Variants in PDZD2 observed in about 807,000 individuals in gnomAD.
PDZD2 encodes PDZ domain containing 2, also known as PDZ domain-containing protein 2.
Under a neutral mutation model 220.7 loss-of-function variants are expected in PDZD2, and 90 were observed. That is an observed-to-expected ratio of 0.41 (90% CI 0.34 to 0.49). PDZD2 has a LOEUF of 0.49. PDZD2 is among the 20% of genes least tolerant of loss of function. The probability of loss-of-function intolerance (pLI) is 0.28; values close to 1 mark genes in which losing one functional copy is unlikely to be tolerated. For missense variants in PDZD2, 3,174 were observed against 3,608.5 expected (o/e 0.88, Z 3.08); for synonymous variants, 1,375 against 1,450.5 (o/e 0.95, Z 1.18).
intron 1 of PDZD2, among the ~76,000 whole-genome samples, chr5:31,720,000 G>T (rs748405083): frequency 6.6e-6 from 1 of 152,232 alleles, no homozygotes; most frequent in Admixed American, 6.5e-5. Flanking sequence ...CAGGCAATGC[G>T]CTGCCCCAGT....
chr5:31,689,278 TATATATACATAC>T (rs1451479304), intron 1 of PDZD2, among the ~76,000 whole-genome samples: 12 of 80,442 alleles, frequency 1.5e-4, no homozygotes, highest in Non-Finnish European at 1.9e-4. Flanking sequence ...CATATATACA[TATATATACATAC>T]ATATACATAT....
chr5:32,087,606 C>T lies in PDZD2; in HGVS notation c.4158C>T (p.Ser1386=). 6.2e-7 allele frequency: 1 copy of T among 1,614,108 alleles called. No individual in the cohort carries two copies. The highest frequency in any genetic ancestry group is 1.3e-5 in the African/African-American group (1 of 75,052). ...PSLLEGADSV[S]SRAPQASLSM... ...TGCTGGAGGGAGCAGATTCTGTGTC[C>T]TCAAGGGCACCGCAGGCCAGCCTCT... Residue 1386 remains serine (S), a synonymous_variant, in exon 20 of 25, where the codon TCC becomes TCT. Coordinates refer to ENST00000438447, the MANE Select transcript of PDZD2 (RefSeq NM_178140.4). This position sits in a 1 kb window ranked among gnomAD's most constrained non-coding sequence, Gnocchi z 4.0.
At chr5:31,781,816 A>G (rs1376406462) in intron 1 of PDZD2, among the ~76,000 whole-genome samples, 1 of 152,122 alleles carries the variant, frequency 6.6e-6, no homozygotes, top group Admixed American at 6.5e-5. Flanking sequence ...GTCAGTGCCT[A>G]TTTCAGGAGG....
At chr5:31,778,523 A>T (rs1481058480) in intron 1 of PDZD2, among the ~76,000 whole-genome samples, 1 of 151,852 alleles carries the variant, frequency 6.6e-6, no homozygotes, top group Admixed American at 6.6e-5. Context: ...ACAACTCCAG[A>T]TGTGCCGCCT....
chr5:32,019,977 A>C (rs1272018901), intron 6 of PDZD2, among the ~76,000 whole-genome samples: 1 of 151,926 alleles, frequency 6.6e-6, no homozygotes, highest in Admixed American at 6.6e-5. Context: ...ATTTCAGTTT[A>C]TATGTCCTTA....
At chr5:31,961,868 T>C (rs1748265512) in intron 2 of PDZD2, among the ~76,000 whole-genome samples, 1 of 152,210 alleles carries the variant, frequency 6.6e-6, no homozygotes, top group Non-Finnish European at 1.5e-5. Flanking sequence ...GCGCCCACCT[T>C]GGCCTCCCAG....
At chr5:31,893,024 C>G (rs778320824) in intron 2 of PDZD2, among the ~76,000 whole-genome samples, 2 of 152,190 alleles carry the variant, frequency 1.3e-5, no homozygotes, top group Non-Finnish European at 2.9e-5. Context: ...TAGAGGGAAG[C>G]AGACAAAAAC....
intron 1 of PDZD2, among the ~76,000 whole-genome samples, chr5:31,702,755 A>G (rs1747659011): frequency 6.6e-6 from 1 of 152,242 alleles, no homozygotes; most frequent in Non-Finnish European, 1.5e-5. Context: ...TCAGCATTTG[A>G]GACTCAGAGT....
intron 2 of PDZD2, among the ~76,000 whole-genome samples, chr5:31,972,996 C>G (rs1749441395): frequency 6.6e-6 from 1 of 152,330 alleles, no homozygotes; most frequent in East Asian, 1.9e-4. Context: ...GATTCTCTCT[C>G]TTTTTAGGGC....
At position 31,817,350 on chromosome 5, in the gene PDZD2, C is replaced by T. The variant is rs925513139; in HGVS notation, c.476+17626C>T. Among the ~76,000 whole-genome samples the T allele has an allele frequency of 4.6e-5, 7 of 151,654 alleles. 1 individual carries two copies. In the South Asian group the frequency reaches 1.5e-3, roughly 32 times the overall value. ...CTCTACTAAAAATGCAAAAATTAGC[C>T]GGCCGTGGTGGTGGATCCCTGTAAT... On this transcript the variant is annotated intron_variant, in intron 2 of 24. Transcript: ENST00000438447.
intron 6 of PDZD2, among the ~76,000 whole-genome samples, chr5:32,031,884 C>T (rs567605573): frequency 6.6e-6 from 1 of 152,244 alleles, no homozygotes; most frequent in South Asian, 2.1e-4. Flanking sequence ...AAAAAACTGC[C>T]TTGGATATCA....
chr5:31,771,716 G>C (rs576046355), intron 1 of PDZD2, among the ~76,000 whole-genome samples: 10 of 152,316 alleles, frequency 6.6e-5, no homozygotes, highest in Non-Finnish European at 2.9e-5. Flanking sequence ...AAGGTTAACT[G>C]CCTGGCAAGT....
chr5:32,035,532 G>A lies in PDZD2; in HGVS notation c.1408-1699G>A, dbSNP rs10940995. Among the ~76,000 whole-genome samples the A allele has an allele frequency of 1.5e-4, 22 of 151,378 alleles. No individual in the cohort carries two copies. In the East Asian group the frequency reaches 2.3e-3, roughly 16 times the overall value. ...TTTTAAGAGAAAGAAAGGGTCTTGC[G>A]ATGTTGCCCAGGCTGCTGATGTTGA... On this transcript the variant is annotated intron_variant, in intron 6 of 24. Transcript: ENST00000438447.
intron 24 of PDZD2, chr5:32,103,323 C>CA (rs1229814739): frequency 6.6e-6 from 1 of 152,348 alleles, no homozygotes; most frequent in Non-Finnish European, 1.5e-5. Context: ...GAGGCTGAGG[C>CA]AGAAGGATCG....
intron 1 of PDZD2, among the ~76,000 whole-genome samples, chr5:31,754,980 C>T (rs35912557): frequency 0.032 from 4,922 of 152,268 alleles, 109 homozygotes; most frequent in Middle Eastern, 0.048. Context: ...AGGGCTTGTT[C>T]AGCAAAAACT....
At chr5:31,797,014 G>A (rs939060441) in intron 1 of PDZD2, among the ~76,000 whole-genome samples, 4 of 148,020 alleles carry the variant, frequency 2.7e-5, no homozygotes, top group Admixed American at 6.8e-5. Context: ...TGCAAGCTCC[G>A]CTTCCCGGGT....
chr5:31,968,104 G>T (rs1326207981), intron 2 of PDZD2, among the ~76,000 whole-genome samples: 3 of 152,148 alleles, frequency 2.0e-5, no homozygotes, highest in Non-Finnish European at 4.4e-5. Flanking sequence ...AGATCATGAG[G>T]GTGGTGCCTT....
chr5:31,735,771 C>T (rs1749823333), intron 1 of PDZD2, among the ~76,000 whole-genome samples: 1 of 152,100 alleles, frequency 6.6e-6, no homozygotes, highest in South Asian at 2.1e-4. Flanking sequence ...ATGGTGAAAC[C>T]CCGTCTCTAC....
intron 24 of PDZD2, among the ~76,000 whole-genome samples, chr5:32,106,834 G>A (rs1276405455): frequency 1.3e-5 from 2 of 152,168 alleles, no homozygotes; most frequent in African/African-American, 4.8e-5. Flanking sequence ...AAGGACTAGG[G>A]ACCAAATCAT....
Sources: allele counts gnomAD v4.1 joint callset (sites outside exome capture counted in the v4.1 genomes callset), GRCh38; gene constraint gnomAD v4.1.1; non-coding constraint Gnocchi (gnomAD v3.1); transcripts MANE v1.5; gene names NCBI Gene and HGNC (gene_info 2026-07-23, HGNC 2026-07-21).